The following TRPM1 variants were observed in gnomAD, a reference collection of about 807,000 sequenced individuals.
TRPM1 encodes transient receptor potential cation channel subfamily M member 1.
A neutral mutation model predicts 149.4 loss-of-function variants in TRPM1; 113 were observed. That is an observed-to-expected ratio of 0.76 (90% CI 0.65 to 0.88). TRPM1 has a LOEUF of 0.88. Among genes scored for constraint, TRPM1 ranks in the 40% least tolerant of loss-of-function variants. The pLI is 0.00. For synonymous variants in TRPM1, 741 were observed against 759.5 expected (o/e 0.98, Z 0.40); for missense variants, 1,976 against 2,038.7 (o/e 0.97, Z 0.59).
intron 1 of TRPM1, among the ~76,000 whole-genome samples, chr15:31,159,923 TG>T (rs1433746277): frequency 2.6e-5 from 4 of 152,268 alleles, no homozygotes; most frequent in African/African-American, 9.6e-5. Context: ...GGGCATGTCG[TG>T]GGTGCTCAGT....
chr15:31,047,174 G>C lies in TRPM1; in HGVS notation c.1701C>G (p.Tyr567Ter). ...AGTTTTTCCGAGTGTAGTTGCAGCG[G>C]TAGGCTCCTCCCATGAGGTACTCCA... ...LVLEYLMGGAYRCNYTRKNFR... is the reference protein window; with the variant it reads ...LVLEYLMGGA The change falls in exon 15 of 28, where the codon TAC (tyrosine) becomes TAG (stop). Residue 567 changes from tyrosine to a stop codon, truncating the protein, a stop_gained. Transcript: ENST00000256552. LOFTEE classifies it high-confidence loss of function. 1 of 1,614,224 alleles carries C rather than the reference G, an allele frequency of 6.2e-7. No individual in the cohort carries two copies. Among genetic ancestry groups the C allele is most frequent in the East Asian group, 2.2e-5 (1 of 44,882 alleles).
intron 1 of TRPM1, among the ~76,000 whole-genome samples, chr15:31,159,566 G>A (rs1406375428): frequency 6.6e-6 from 1 of 152,192 alleles, no homozygotes; most frequent in Non-Finnish European, 1.5e-5. Context: ...GCGCACAAAA[G>A]CAGATATATG....
At chr15:31,086,304 C>G (rs1051787739) in intron 1 of TRPM1, among the ~76,000 whole-genome samples, 7 of 152,192 alleles carry the variant, frequency 4.6e-5, no homozygotes, top group African/African-American at 1.7e-4. Flanking sequence ...GAGCAGGGAG[C>G]TCCTGCGAGG....
At chr15:31,047,010 G>T (rs942739882) in intron 15 of TRPM1, 101 bp downstream of exon 15, 2 of 1,517,194 alleles carry the variant, frequency 1.3e-6, no homozygotes, top group Non-Finnish European at 1.8e-6. Context: ...TGGGGACAGG[G>T]CGAAGGGCTT....
At chr15:31,108,734 T>G (rs1413048336) in intron 1 of TRPM1, among the ~76,000 whole-genome samples, 36 of 152,270 alleles carry the variant, frequency 2.4e-4, no homozygotes, top group Non-Finnish European at 2.9e-5. Flanking sequence ...CCTCAGGTGA[T>G]CCATCTGCCT....
In TRPM1 at chr15:31,032,716, C is replaced by T; in HGVS notation, c.2925G>A (p.Gly975=). The T allele has an allele frequency of 6.2e-7, 1 of 1,614,180 alleles. No individual in the cohort carries two copies. Among genetic ancestry groups the T allele is most frequent in the Non-Finnish European group, 8.5e-7 (1 of 1,180,032 alleles). Residue 975 remains glycine, a synonymous_variant, in exon 22 of 28, where the codon GGG becomes GGA. Coordinates refer to ENST00000256552, the MANE Select transcript of TRPM1 (RefSeq NM_001252024.2). ...TCTTTCCAATCATCATCACGTATGGCCCCAGATACTTGTTGACACCAAAGA... is the reference window on the plus strand; with the variant it reads ...TCTTTCCAATCATCATCACGTATGGTCCCAGATACTTGTTGACACCAAAGA... ...LDIFGVNKYL[G]PYVMMIGKMM...
intron 1 of TRPM1, among the ~76,000 whole-genome samples, chr15:31,115,078 C>T (rs1199471347): frequency 6.6e-6 from 1 of 152,066 alleles, no homozygotes; most frequent in Non-Finnish European, 1.5e-5. Context: ...AAAATGGTGA[C>T]ATCCTGTCTC....
Position 31,060,561 on chromosome 15 carries a change from A to G in TRPM1, c.1246T>C (p.Phe416Leu), listed in dbSNP as rs750628682. Residue 416 changes from phenylalanine (F) to leucine (L), a missense_variant, in exon 11 of 28, where the codon TTT (phenylalanine) becomes CTT (leucine). This residue lies in a region of TRPM1 where 1,332 missense variants were observed against 1,347.1 expected (regional missense o/e 0.99). Transcript: ENST00000256552. Reference protein sequence around the residue: ...VDIARSQIFVFGPHWPPLGSL... With the variant: ...VDIARSQIFVLGPHWPPLGSL... Reference sequence around the variant, plus strand: ...AGTTTCACCGGCCAGTGGGGCCCAAAGACAAAGATCTGGCTTCGTGCTATG... The same window carrying G: ...AGTTTCACCGGCCAGTGGGGCCCAAGGACAAAGATCTGGCTTCGTGCTATG... The G allele has an allele frequency of 5.6e-6, 9 of 1,614,134 alleles. No individual in the cohort carries two copies. The highest frequency in any genetic ancestry group is 7.6e-6 in the Non-Finnish European group (9 of 1,180,028).
intron 1 of TRPM1, among the ~76,000 whole-genome samples, chr15:31,120,934 A>G (rs932061508): frequency 5.3e-5 from 8 of 152,212 alleles, no homozygotes; most frequent in Admixed American, 3.3e-4. Flanking sequence ...TGTATTAGAA[A>G]AAAAGAAAGA....
At position 31,008,484 on chromosome 15, in the gene TRPM1, G is replaced by C. The variant is rs145707619; in HGVS notation, c.3630-5414C>G. ...GTTTTTTCCTTTAAATCATTAATAT[G>C]GTGGATTACATTGATTGTTTTCAAA... On this transcript the variant is annotated intron_variant, in intron 27 of 27. Transcript: ENST00000256552. Among the ~76,000 whole-genome samples the C allele has an allele frequency of 3.9e-4, 59 of 152,240 alleles. 2 individuals carry two copies. The East Asian group carries it at 0.011, about 29-fold the overall frequency.
intron 1 of TRPM1, among the ~76,000 whole-genome samples, chr15:31,088,861 GT>G (rs1269836163): frequency 4.8e-5 from 4 of 83,094 alleles, no homozygotes; most frequent in Non-Finnish European, 9.8e-5. Flanking sequence ...CCTGCTGCGG[GT>G]ATTGACATTT....
chr15:31,060,376 C>G (rs921298717), intron 11 of TRPM1, 168 bp downstream of exon 11: 5 of 673,166 alleles, frequency 7.4e-6, no homozygotes, highest in Non-Finnish European at 1.3e-5. Flanking sequence ...CTTGTTGGTT[C>G]TTTGAAGTTA....
chr15:31,129,034 A>G lies in TRPM1; in HGVS notation c.54+31872T>C, dbSNP rs548119742. Among the ~76,000 whole-genome samples, 48 of 152,328 alleles carry G rather than the reference A, an allele frequency of 3.2e-4. 1 individual carries two copies. The East Asian group carries it at 5.0e-3, about 16-fold the overall frequency. Reference sequence around the variant, plus strand: ...GGTGGCAGCCTCCTCGGGAGCTTGCAGGAGGGGAAAGGAAGCCTGCTGGAG... The same window carrying G: ...GGTGGCAGCCTCCTCGGGAGCTTGCGGGAGGGGAAAGGAAGCCTGCTGGAG... On this transcript the variant is annotated intron_variant, in intron 1 of 26. Transcript: ENST00000542188.
At chr15:31,113,331 G>A (rs776412186) in intron 1 of TRPM1, among the ~76,000 whole-genome samples, 1 of 152,130 alleles carries the variant, frequency 6.6e-6, no homozygotes, top group African/African-American at 2.4e-5. Context: ...CCCTGACTGG[G>A]AAAGACTTGG....
chr15:31,116,651 C>A (rs1352392913), intron 1 of TRPM1, among the ~76,000 whole-genome samples: 1 of 138,328 alleles, frequency 7.2e-6, no homozygotes, highest in Non-Finnish European at 1.6e-5. Flanking sequence ...CTTCCCTACT[C>A]CCACACCTTA....
intron 27 of TRPM1, among the ~76,000 whole-genome samples, chr15:31,004,538 CTTTTCTTGGGGTGAGAACTA>C (rs2031911452): frequency 6.6e-6 from 1 of 152,068 alleles, no homozygotes; most frequent in South Asian, 2.1e-4. Context: ...ATTCTTAACT[CTTTTCTTGGGGTGAGAACTA>C]TTTATATGTA....
chr15:31,145,979 G>C (rs1191797654), intron 1 of TRPM1, among the ~76,000 whole-genome samples: 1 of 151,900 alleles, frequency 6.6e-6, no homozygotes, highest in Non-Finnish European at 1.5e-5. Flanking sequence ...GAAAGTTTAC[G>C]ATTTTGATTT....
chr15:31,077,824 G>A (rs977952438), intron 2 of TRPM1, among the ~76,000 whole-genome samples: 2 of 151,876 alleles, frequency 1.3e-5, no homozygotes, highest in African/African-American at 2.4e-5. Context: ...GTGTGTGTGT[G>A]ATGAGTCTGT....
chr15:31,131,930 G>A (rs1406673927), intron 1 of TRPM1, among the ~76,000 whole-genome samples: 2 of 150,368 alleles, frequency 1.3e-5, no homozygotes, highest in East Asian at 2.0e-4. Flanking sequence ...AATGAAAATC[G>A]CCAAAATGAC....
Sources: allele counts gnomAD v4.1 joint callset (sites outside exome capture counted in the v4.1 genomes callset), GRCh38; gene constraint gnomAD v4.1.1; regional missense constraint gnomAD v4.1.1; transcripts MANE v1.5; gene names NCBI Gene and HGNC (gene_info 2026-07-23, HGNC 2026-07-21).